CYP4X1: variants seen among roughly 807,000 people sequenced by gnomAD.
CYP4X1 encodes the protein cytochrome P450 4X1.
A neutral mutation model predicts 57.9 loss-of-function variants in CYP4X1; 44 were observed. The ratio of observed to expected loss-of-function variants is 0.76; its 90% CI spans 0.60 to 0.98. The LOEUF is 0.98. Ranked by LOEUF, CYP4X1 falls within the 50% of genes least tolerant of loss-of-function variation. CYP4X1 has a pLI of 0.00. For missense variants in CYP4X1, 532 were observed against 623.9 expected, an observed-to-expected ratio of 0.85 and a Z score of 1.57; for synonymous variants, 227 against 228.6, an observed-to-expected ratio of 0.99 and a Z score of 0.06.
the CYP4X1 span, among the ~76,000 whole-genome samples, chr1:47,011,433 T>C: frequency 3.3e-5 from 5 of 152,160 alleles, no homozygotes; most frequent in African/African-American, 9.7e-5. Flanking sequence ...ACTTAAATGT[T>C]AGACCTAAAA....
At chr1:46,974,673 A>G in the CYP4X1 span, among the ~76,000 whole-genome samples, 4 of 152,146 alleles carry the variant, frequency 2.6e-5, no homozygotes, top group Admixed American at 2.6e-4. Context: ...TGAACATTTT[A>G]TCATTGTGTA....
the CYP4X1 span, among the ~76,000 whole-genome samples, chr1:46,995,784 T>G: frequency 6.6e-6 from 1 of 152,224 alleles, no homozygotes; most frequent in African/African-American, 2.4e-5. Context: ...CTCCTCTAAG[T>G]CCTGGATGCC....
chr1:47,002,286 T>C, the CYP4X1 span, among the ~76,000 whole-genome samples: 3 of 152,330 alleles, frequency 2.0e-5, no homozygotes, highest in East Asian at 1.9e-4. Flanking sequence ...ATAAACACTT[T>C]TATATTTGAA....
the CYP4X1 span, among the ~76,000 whole-genome samples, chr1:47,015,188 T>C: frequency 6.6e-6 from 1 of 152,198 alleles, no homozygotes; most frequent in Non-Finnish European, 1.5e-5. Context: ...TTTCCCAGCA[T>C]TGGCAGAGGG....
the CYP4X1 span, among the ~76,000 whole-genome samples, chr1:46,988,801 C>G: frequency 6.6e-6 from 1 of 152,160 alleles, no homozygotes; most frequent in African/African-American, 2.4e-5. Context: ...TTATTTATCT[C>G]AATAGATTAT....
chr1:47,036,332 A>G (rs1569631944), intron 6 of CYP4X1, among the ~76,000 whole-genome samples, 161 bp downstream of exon 6: 2 of 145,672 alleles, frequency 1.4e-5, no homozygotes, highest in African/African-American at 5.0e-5. Flanking sequence ...AGTCCTTTAT[A>G]AGACTTTGCT....
At chr1:47,023,600 C>CT, upstream of CYP4X1, 2 of 1,322,320 alleles carry the variant, frequency 1.5e-6, no homozygotes, top group Non-Finnish European at 1.9e-6. Context: ...AGCGTGCGCG[C>CT]TTTGGTAACC....
chr1:46,985,095 G>T, the CYP4X1 span, among the ~76,000 whole-genome samples: 3 of 152,196 alleles, frequency 2.0e-5, no homozygotes, highest in Non-Finnish European at 4.4e-5. Context: ...CAGCAGGGAA[G>T]TTCCAACTGG....
chr1:46,993,297 G>A, the CYP4X1 span, among the ~76,000 whole-genome samples: 1 of 152,030 alleles, frequency 6.6e-6, no homozygotes, highest in Non-Finnish European at 1.5e-5. Flanking sequence ...ATTCCATGGT[G>A]TAGATGTGCC....
At position 47,023,961 on chromosome 1, in the gene CYP4X1, G is replaced by GC. The variant is rs539638964; in HGVS notation, c.150dup (p.Thr51HisfsTer14). On this transcript the variant is annotated frameshift_variant, in exon 1 of 12. Transcript: ENST00000371901. LOFTEE classifies it high-confidence loss of function. The stretch of plus-strand genomic sequence containing the variant: ...TGCGGGACCTGCGCCCCTTCCCAGC[G>GC]CCCCCCACCCACTGGTTCCTTGGGC... 8.1e-6 allele frequency: 13 copies of GC among 1,612,978 alleles called. No homozygotes were observed. The highest frequency in any genetic ancestry group is 1.0e-5 in the Non-Finnish European group (12 of 1,179,828).
rs775600612 is a variant in CYP4X1 at position 47,023,967 on chromosome 1, C to A, written c.150C>A (p.Pro50=). 3.8e-5 allele frequency: 61 copies of A among 1,612,878 alleles called. No homozygotes were observed. The highest frequency in any genetic ancestry group is 5.0e-5 in the Admixed American group (3 of 59,972). Residue 50 remains proline (P), a synonymous_variant, in exon 1 of 12, where the codon CCC becomes CCA. Coordinates refer to ENST00000371901, the MANE Select transcript of CYP4X1 (RefSeq NM_178033.2). ...ACCTGCGCCCCTTCCCAGCGCCCCC[C>A]ACCCACTGGTTCCTTGGGCACCAGA... ...LRDLRPFPAP[P]THWFLGHQKF...
chr1:46,990,765 C>G, the CYP4X1 span, among the ~76,000 whole-genome samples: 1 of 152,112 alleles, frequency 6.6e-6, no homozygotes. Flanking sequence ...ATGGATGAAG[C>G]TGGAAACCAT....
chr1:47,039,700 T>G, intron 8 of CYP4X1, 168 bp downstream of exon 8: 1 of 425,192 alleles, frequency 2.4e-6, no homozygotes, highest in Non-Finnish European at 3.9e-6. Flanking sequence ...ATTATTCTCT[T>G]GTCTTTCAGG....
the CYP4X1 span, among the ~76,000 whole-genome samples, chr1:46,992,188 C>T: frequency 6.6e-6 from 1 of 152,174 alleles, no homozygotes; most frequent in African/African-American, 2.4e-5. Flanking sequence ...CGAAGGCACA[C>T]GCCTGTAATC....
At chr1:46,972,710 T>C in the CYP4X1 span, among the ~76,000 whole-genome samples, 1 of 152,098 alleles carries the variant, frequency 6.6e-6, no homozygotes. Flanking sequence ...GTGAATGGGA[T>C]TGCATTTCTG....
At chr1:46,964,685 C>G in the CYP4X1 span, among the ~76,000 whole-genome samples, 2 of 152,202 alleles carry the variant, frequency 1.3e-5, no homozygotes, top group Non-Finnish European at 2.9e-5. Flanking sequence ...ACTTGGGGGT[C>G]AGGGACCCAC....
chr1:46,983,769 C>T, the CYP4X1 span, among the ~76,000 whole-genome samples: 1 of 152,178 alleles, frequency 6.6e-6, no homozygotes, highest in Non-Finnish European at 1.5e-5. Flanking sequence ...AAATGGTGGG[C>T]ATGTCCATTA....
chr1:46,981,558 G>A, the CYP4X1 span, among the ~76,000 whole-genome samples: 1 of 152,228 alleles, frequency 6.6e-6, no homozygotes, highest in African/African-American at 2.4e-5. Flanking sequence ...TTCAACCATT[G>A]TGAAAGACAG....
Position 47,035,935 on chromosome 1 carries a change from T to G in CYP4X1, c.620+2T>G. ...GGAGACCAACTGCCAGACAAACAGGTCAGTGGTGGGAGAGCAAAAAAGATA... is the reference window on the plus strand; with the variant it reads ...GGAGACCAACTGCCAGACAAACAGGGCAGTGGTGGGAGAGCAAAAAAGATA... On this transcript the variant is annotated splice_donor_variant, in intron 5 of 11. Transcript: ENST00000371901. LOFTEE classifies it high-confidence loss of function. 3.1e-6 allele frequency: 5 copies of G among 1,613,506 alleles called. No homozygotes were observed. Among genetic ancestry groups the G allele is most frequent in the Non-Finnish European group, 4.2e-6 (5 of 1,179,690 alleles).
Sources: gnomAD v4.1 joint callset for allele counts (sites outside exome capture counted in the v4.1 genomes callset) on GRCh38, gnomAD v4.1.1 for gene constraint, MANE v1.5 for transcripts, NCBI Gene and HGNC (gene_info 2026-07-23, HGNC 2026-07-21) for gene names.